DOCK10: variants seen among roughly 807,000 people sequenced by gnomAD.
DOCK10 encodes the protein dedicator of cytokinesis protein 10.
A neutral mutation model predicts 280.1 loss-of-function variants in DOCK10; 145 were observed. That is an observed-to-expected ratio of 0.52 (90% CI 0.45 to 0.59). The LOEUF (loss-of-function observed/expected upper bound fraction) is 0.59, where lower values mean the gene tolerates loss of function less well. Ranked by LOEUF, DOCK10 falls within the 20% of genes least tolerant of loss-of-function variation. DOCK10 has a pLI of 0.00. For synonymous variants in DOCK10, 915 were observed against 942.2 expected (o/e 0.97, Z 0.53); for missense variants, 2,368 against 2,651.7 (o/e 0.89, Z 2.35).
At chr2:225,003,160 C>T (rs895434402) in intron 1 of DOCK10, among the ~76,000 whole-genome samples, 10 of 152,170 alleles carry the variant, frequency 6.6e-5, no homozygotes, top group African/African-American at 1.9e-4. Context: ...GATGCTCCCA[C>T]CTCAGCCTCC....
chr2:224,916,561 A>C, intron 3 of DOCK10, 134 bp downstream of exon 3: 1 of 492,804 alleles, frequency 2.0e-6, no homozygotes, highest in Non-Finnish European at 3.5e-6. Flanking sequence ...AAAAAAAAAA[A>C]AGACATCCAC....
intron 11 of DOCK10, among the ~76,000 whole-genome samples, chr2:224,865,853 TCTCA>T (rs1465199012): frequency 1.1e-3 from 165 of 145,652 alleles, no homozygotes; most frequent in African/African-American, 4.2e-3. Flanking sequence ...TCTCTCTCTC[TCTCA>T]CACACACACA....
At chr2:224,971,426 C>T (rs1034535772) in intron 1 of DOCK10, among the ~76,000 whole-genome samples, 1 of 151,946 alleles carries the variant, frequency 6.6e-6, no homozygotes, top group Non-Finnish European at 1.5e-5. Context: ...TGCACTGTAG[C>T]AGGGTGTGAA....
At chr2:225,035,328 A>G (rs1054379349) in intron 1 of DOCK10, among the ~76,000 whole-genome samples, 6 of 151,784 alleles carry the variant, frequency 4.0e-5, no homozygotes, top group Admixed American at 2.0e-4. Flanking sequence ...GGAAGTCAAG[A>G]TCTTTAACTC....
rs185635201 is a variant in DOCK10, at chr2:225,040,836, A to G, written c.123+1416T>C. 5.9e-5 allele frequency among the ~76,000 whole-genome samples: 9 copies of G among 152,252 alleles called. No individual in the cohort carries two copies. In the East Asian group the frequency reaches 1.7e-3, roughly 29 times the overall value. ...TGGAGATTTTCTTATCTCTACTTTTACTCGAATTGAATCTTTTCTTCTAAT... is the reference window on the plus strand; with the variant it reads ...TGGAGATTTTCTTATCTCTACTTTTGCTCGAATTGAATCTTTTCTTCTAAT... On this transcript the variant is annotated intron_variant, in intron 1 of 55. Transcript: ENST00000258390.
chr2:224,875,245 C>A (rs1698546968), intron 8 of DOCK10, among the ~76,000 whole-genome samples: 1 of 152,146 alleles, frequency 6.6e-6, no homozygotes, highest in African/African-American at 2.4e-5. Flanking sequence ...TTAAAATCAA[C>A]AAAATCAGCA....
chr2:224,825,142 C>A (rs1363836715), intron 27 of DOCK10, among the ~76,000 whole-genome samples: 1 of 151,914 alleles, frequency 6.6e-6, no homozygotes, highest in African/African-American at 2.4e-5. Flanking sequence ...CCACACCTGG[C>A]TAATTTTTGT....
intron 1 of DOCK10, among the ~76,000 whole-genome samples, chr2:225,006,716 G>A (rs1689274725): frequency 6.6e-6 from 1 of 152,200 alleles, no homozygotes; most frequent in Admixed American, 6.5e-5. Flanking sequence ...AAGGAGCAAG[G>A]AAGGAATAAA....
At chr2:224,784,633 T>C (rs1236566178) in intron 50 of DOCK10, 5 of 1,044,990 alleles carry the variant, frequency 4.8e-6, no homozygotes, top group African/African-American at 1.6e-5. Context: ...TTGTACCAAA[T>C]GGTGATTTGC....
intron 2 of DOCK10, among the ~76,000 whole-genome samples, chr2:224,918,869 A>G (rs929033885): frequency 9.3e-6 from 1 of 107,846 alleles, no homozygotes; most frequent in African/African-American, 3.6e-5. Context: ...GGCGTGTGTG[A>G]GTGTGTGTAT....
chr2:225,015,096 G>A (rs936920845), intron 1 of DOCK10, among the ~76,000 whole-genome samples: 2 of 152,194 alleles, frequency 1.3e-5, no homozygotes, highest in African/African-American at 4.8e-5. Flanking sequence ...GTGCAGTTTG[G>A]AAGTGACCAC....
chr2:225,025,822 A>AT (rs1689905320), intron 1 of DOCK10, among the ~76,000 whole-genome samples: 1 of 152,190 alleles, frequency 6.6e-6, no homozygotes, highest in East Asian at 1.9e-4. Flanking sequence ...TGGTTAGAAC[A>AT]TTTTTTAAAA....
chr2:224,856,243 A>G (rs1478658850), intron 15 of DOCK10, among the ~76,000 whole-genome samples: 3 of 152,232 alleles, frequency 2.0e-5, no homozygotes, highest in East Asian at 3.8e-4. Context: ...CCCTTAAATT[A>G]GACAGTAATA....
intron 1 of DOCK10, among the ~76,000 whole-genome samples, chr2:225,012,649 C>T (rs1689476944): frequency 6.6e-6 from 1 of 152,148 alleles, no homozygotes; most frequent in African/African-American, 2.4e-5. Context: ...AAGGCATTTA[C>T]AAGTTGCAAA....
chr2:224,823,966 T>A (rs1463719463), intron 27 of DOCK10, among the ~76,000 whole-genome samples: 1 of 152,154 alleles, frequency 6.6e-6, no homozygotes, highest in East Asian at 1.9e-4. Context: ...CTGTGGCCTC[T>A]CATATCTTAC....
chr2:224,831,824 G>A (rs560735867), intron 26 of DOCK10, among the ~76,000 whole-genome samples: 1 of 152,306 alleles, frequency 6.6e-6, no homozygotes, highest in South Asian at 2.1e-4. Flanking sequence ...GGAGGTCCTG[G>A]AGGGCTTGGG....
chr2:224,974,952 T>G (rs544871834), intron 1 of DOCK10, among the ~76,000 whole-genome samples: 1 of 149,946 alleles, frequency 6.7e-6, no homozygotes, highest in Non-Finnish European at 1.5e-5. Context: ...TAAGTTTCTA[T>G]GTATCACCTC....
In DOCK10 at chr2:224,836,327, G is replaced by T. The variant is rs550035495; in HGVS notation, c.2850+1435C>A. ...GCAAACTAAAAAGGCTTGTGTAGGTGGAACTGGCTTTTTGCAGTTGAGATG... is the reference window on the plus strand; with the variant it reads ...GCAAACTAAAAAGGCTTGTGTAGGTTGAACTGGCTTTTTGCAGTTGAGATG... On this transcript the variant is annotated intron_variant, in intron 25 of 55. Transcript: ENST00000258390. 3.5e-4 allele frequency among the ~76,000 whole-genome samples: 53 copies of T among 152,266 alleles called. 2 individuals carry two copies. The Middle Eastern group carries it at 0.024, about 68-fold the overall frequency.
At chr2:224,976,870 A>G (rs967143562) in intron 1 of DOCK10, among the ~76,000 whole-genome samples, 2 of 152,116 alleles carry the variant, frequency 1.3e-5, no homozygotes, top group African/African-American at 4.8e-5. Flanking sequence ...TGTAACATTT[A>G]AAACTGTGAA....
Sources: allele counts gnomAD v4.1 joint callset (sites outside exome capture counted in the v4.1 genomes callset), GRCh38; gene constraint gnomAD v4.1.1; transcripts MANE v1.5; gene names NCBI Gene and HGNC (gene_info 2026-07-23, HGNC 2026-07-21).